POU6F1: variants seen among roughly 807,000 people sequenced by gnomAD.
POU6F1 encodes the protein POU domain, class 6, transcription factor 1.
POU6F1 carries 9 observed loss-of-function variants against 28.9 expected under a neutral mutation model. That is an observed-to-expected ratio of 0.31 (90% CI 0.19 to 0.54). The LOEUF is 0.54. Ranked by LOEUF, POU6F1 falls within the 20% of genes least tolerant of loss-of-function variation. The pLI, the probability that POU6F1 is intolerant of heterozygous loss-of-function variation, is 0.94. For missense variants in POU6F1, 338 were observed against 426.1 expected (o/e 0.79, Z 1.82); for synonymous variants, 173 against 171.1 (o/e 1.01, Z -0.09).
chr12:51,207,753 C>A (rs765137737), intron 1 of POU6F1: 6 of 152,190 alleles, frequency 3.9e-5, no homozygotes, highest in Admixed American at 2.0e-4. Flanking sequence ...GACCCTTAGA[C>A]CTTTTCACCC....
chr12:51,217,062 C>T lies in POU6F1; in HGVS notation c.-48+580G>A, dbSNP rs1199611304. ...GCTCATGCTCTGCTAGAAGGTGGCC[C>T]TCCCATCACTGACCCACCCTTCCAG... On this transcript the variant is annotated intron_variant, in intron 1 of 10. Coordinates refer to ENST00000333640, the MANE Select transcript of POU6F1 (RefSeq NM_001330422.2). The surrounding 1 kb of genome is among the most constrained non-coding windows in gnomAD (Gnocchi z 5.3). 6.6e-6 allele frequency among the ~76,000 whole-genome samples: 1 copy of T among 152,194 alleles called. No individual in the cohort carries two copies. Among genetic ancestry groups the T allele is most frequent in the Non-Finnish European group, 1.5e-5 (1 of 68,018 alleles).
intron 9 of POU6F1, 94 bp from the exon 10 acceptor site, chr12:51,191,858 G>A: frequency 3.4e-6 from 5 of 1,465,348 alleles, no homozygotes; most frequent in Non-Finnish European, 4.7e-6. Context: ...AGTAGTGAGA[G>A]GTGAGGACAC....
chr12:51,201,817 A>C (rs1943227099), intron 3 of POU6F1: 1 of 151,868 alleles, frequency 6.6e-6, no homozygotes, highest in Non-Finnish European at 1.5e-5. Flanking sequence ...CAGAAACATC[A>C]ACAATGTACC....
chr12:51,216,539 T>C (rs1301564619), intron 1 of POU6F1, among the ~76,000 whole-genome samples: 1 of 152,154 alleles, frequency 6.6e-6, no homozygotes, highest in African/African-American at 2.4e-5. Flanking sequence ...AATGAAGAAA[T>C]GAAGTTCTAC....
intron 5 of POU6F1, 39 bp downstream of exon 5, chr12:51,198,511 T>TG: frequency 2.5e-6 from 1 of 392,360 alleles, no homozygotes; most frequent in Non-Finnish European, 4.5e-6. Context: ...TAGTAGAGGG[T>TG]GGGGGGCCTG....
At position 51,197,518 on chromosome 12, in the gene POU6F1, A is replaced by C. The variant is rs141388117; in HGVS notation, c.846+252T>G. Among the ~76,000 whole-genome samples, 814 of 152,214 alleles carry C rather than the reference A, an allele frequency of 5.3e-3. 8 individuals are homozygous for C. Among genetic ancestry groups the C allele is most frequent in the African/African-American group, 0.019 (787 of 41,524 alleles). On this transcript the variant is annotated intron_variant, in intron 6 of 10. Transcript: ENST00000333640. ...ACCCCCAGACGTCATCCCACCCTCC[A>C]AGCCTGGTCCAGTGGTTCAGGTTCT...
rs917743051 is a variant in POU6F1 at position 51,196,732 on chromosome 12, C to A, written c.975+67G>T. The A allele has an allele frequency of 5.7e-6, 9 of 1,579,384 alleles. No homozygotes were observed. The Middle Eastern group carries it at 6.2e-4, about 109-fold the overall frequency. ...GTTTCTATGACCCACAGCCCAAGACCTGGCCGCCATCCCCTGGCCAGCCTC... is the reference window on the plus strand; with the variant it reads ...GTTTCTATGACCCACAGCCCAAGACATGGCCGCCATCCCCTGGCCAGCCTC... On this transcript the variant is annotated intron_variant, in intron 7 of 10. Transcript: ENST00000333640.
At chr12:51,212,180 G>A (rs1286385597) in intron 1 of POU6F1, among the ~76,000 whole-genome samples, 2 of 151,820 alleles carry the variant, frequency 1.3e-5, no homozygotes, top group East Asian at 2.0e-4. Context: ...CGCAACCTCC[G>A]CCTCCCGGGT....
At position 51,190,004 on chromosome 12, in the gene POU6F1, C is replaced by G. The variant is rs1440504008; in HGVS notation, c.*243G>C. Reference sequence around the variant, plus strand: ...GCTTCTCTAAGTGACGTCACAAATCCTCTTCTTCGGAGTGACCAGCCCAGA... The same window carrying G: ...GCTTCTCTAAGTGACGTCACAAATCGTCTTCTTCGGAGTGACCAGCCCAGA... On this transcript the variant is annotated 3_prime_UTR_variant, in exon 11 of 11. Coordinates refer to ENST00000333640, the MANE Select transcript of POU6F1 (RefSeq NM_001330422.2). The surrounding 1 kb of genome is among the most constrained non-coding windows in gnomAD (Gnocchi z 4.5). 4.9e-6 allele frequency: 3 copies of G among 614,672 alleles called. No individual in the cohort carries two copies. The highest frequency in any genetic ancestry group is 5.3e-6 in the Non-Finnish European group (2 of 374,694). The allele number at this position is 614,672 out of a possible 1,614,324, so 38.1% of individuals were successfully genotyped here. A position where few individuals can be genotyped will look rare whatever the true frequency, so the allele number is the denominator to read the frequency against.
intron 3 of POU6F1, among the ~76,000 whole-genome samples, chr12:51,200,594 C>T (rs563507001): frequency 3.3e-5 from 5 of 152,204 alleles, no homozygotes; most frequent in South Asian, 2.1e-4. Context: ...AGCCATACAA[C>T]GAGGAGAAGG....
chr12:51,200,792 GTTC>G (rs1943158033), intron 3 of POU6F1, among the ~76,000 whole-genome samples: 5 of 152,042 alleles, frequency 3.3e-5, no homozygotes, highest in South Asian at 2.1e-4. Flanking sequence ...GGCTCAAGGG[GTTC>G]TTCTGCTTCA....
chr12:51,206,616 C>T (rs1258431237), intron 2 of POU6F1, among the ~76,000 whole-genome samples, 173 bp downstream of exon 2: 2 of 152,130 alleles, frequency 1.3e-5, no homozygotes, highest in East Asian at 3.9e-4. Context: ...CACAGCTTAA[C>T]TCCCCAAACC....
chr12:51,191,598 G>A lies in POU6F1; in HGVS notation c.1488C>T (p.Cys496=), dbSNP rs1456440020. 12 of 1,612,658 alleles carry A rather than the reference G, an allele frequency of 7.4e-6. No homozygotes were observed. Among genetic ancestry groups the A allele is most frequent in the Non-Finnish European group, 1.0e-5 (12 of 1,179,842 alleles). ...EGPAYSQSAI[C]RFEKLDITPK... is the part of the protein sequence containing the mutation. ...CTGTCTAGGGCAGCCTTACTCACCG[G>A]CAGATGGCTGACTGGCTGTAGGCTG... Residue 496 remains cysteine (C), a splice_region_variant and synonymous_variant, in exon 10 of 11, where the codon TGC becomes TGT. Transcript: ENST00000333640.
At chr12:51,207,953 A>G (rs1943735583) in intron 1 of POU6F1, among the ~76,000 whole-genome samples, 1 of 152,148 alleles carries the variant, frequency 6.6e-6, no homozygotes, top group Non-Finnish European at 1.5e-5. Flanking sequence ...TTGTCTGACT[A>G]GAGCCACAAA....
In POU6F1 at chr12:51,198,650, G is replaced by A. The variant is rs957167308; in HGVS notation, c.492C>T (p.Ala164=). ...CAGTTGCTGTAGGAATTGTCCACAC[G>A]GCCAGCCCCTGCTGACCAGCCACTT... The part of the protein sequence containing the change: ...AGQVAGQQGL[A]VWTIPTATVA... The change falls in exon 5 of 11, where the codon GCC becomes GCT. Residue 164 remains alanine (A), a synonymous_variant. Transcript: ENST00000333640. 1 of 399,324 alleles carries A rather than the reference G, an allele frequency of 2.5e-6. No individual in the cohort carries two copies. The highest frequency in any genetic ancestry group is 4.4e-6 in the Non-Finnish European group (1 of 226,324). The allele number at this position is 399,324 out of a possible 1,614,324, so 24.7% of individuals were successfully genotyped here. A position where few individuals can be genotyped will look rare whatever the true frequency, so the allele number is the denominator to read the frequency against.
At chr12:51,193,174 G>T (rs762065314) in intron 8 of POU6F1, among the ~76,000 whole-genome samples, 4 of 152,156 alleles carry the variant, frequency 2.6e-5, no homozygotes, top group Non-Finnish European at 4.4e-5. Context: ...CACCAAATGC[G>T]CATTGAACAG....
At chr12:51,196,238 A>C (rs1942817285) in intron 7 of POU6F1, 65 bp from the exon 8 acceptor site, 14 of 1,299,148 alleles carry the variant, frequency 1.1e-5, no homozygotes, top group Non-Finnish European at 1.4e-5. Flanking sequence ...CCAAACCCAG[A>C]TCCCCACACC....
At chr12:51,215,210 A>C (rs1228051855) in intron 1 of POU6F1, among the ~76,000 whole-genome samples, 1 of 152,000 alleles carries the variant, frequency 6.6e-6, no homozygotes, top group Non-Finnish European at 1.5e-5. Flanking sequence ...ACCCTACTTC[A>C]AATGTTTTGC....
intron 2 of POU6F1, among the ~76,000 whole-genome samples, chr12:51,205,597 G>T (rs1943542084): frequency 1.3e-5 from 2 of 152,218 alleles, no homozygotes; most frequent in South Asian, 4.1e-4. Flanking sequence ...AGGCCTCTGT[G>T]CATTTGGCCT....
Sources: gnomAD v4.1 joint callset for allele counts (sites outside exome capture counted in the v4.1 genomes callset) on GRCh38, gnomAD v4.1.1 for gene constraint, Gnocchi (gnomAD v3.1) non-coding constraint, MANE v1.5 for transcripts, NCBI Gene and HGNC (gene_info 2026-07-23, HGNC 2026-07-21) for gene names.